CELA3B: variants seen among roughly 807,000 people sequenced by gnomAD.
CELA3B encodes the protein chymotrypsin like elastase 3B, also known as chymotrypsin-like elastase family member 3B.
A neutral mutation model predicts 37.2 loss-of-function variants in CELA3B; 34 were observed. The ratio of observed to expected loss-of-function variants is 0.91; its 90% CI spans 0.70 to 1.22. The LOEUF (loss-of-function observed/expected upper bound fraction) is 1.22. Among genes scored for constraint, CELA3B ranks in the 50% most tolerant of loss-of-function variants. CELA3B has a pLI of 0.00. For missense variants in CELA3B, 340 were observed against 363.1 expected (o/e 0.94, Z 0.52); for synonymous variants, 127 against 143.5 (o/e 0.89, Z 0.82).
At chr1:21,978,328 G>T (rs746182843) in intron 1 of CELA3B, 41 bp from the exon 2 acceptor site, 2 of 1,611,506 alleles carry the variant, frequency 1.2e-6, no homozygotes, top group Admixed American at 3.3e-5. Flanking sequence ...TTTGCTTTTG[G>T]GGACCCTCCC....
Position 21,978,359 on chromosome 1 carries a change from TC to T in CELA3B, c.44-6del, listed in dbSNP as rs1230642686. 1 of 1,613,894 alleles carries T rather than the reference TC, an allele frequency of 6.2e-7. No individual in the cohort carries two copies. The highest frequency in any genetic ancestry group is 8.5e-7 in the Non-Finnish European group (1 of 1,179,912). On this transcript the variant is annotated splice_polypyrimidine_tract_variant and intron_variant, in intron 1 of 7. Coordinates refer to ENST00000337107, the MANE Select transcript of CELA3B (RefSeq NM_007352.4). ...CTCCCGCTGATTGACAGCTCTCCTC[TC>T]CCCTCTAGCCTCAGGCTATGGCCCA...
intron 2 of CELA3B, among the ~76,000 whole-genome samples, chr1:21,979,562 C>A (rs1411405523): frequency 2.0e-5 from 3 of 150,578 alleles, no homozygotes; most frequent in African/African-American, 7.4e-5. Flanking sequence ...AAGCAATCAT[C>A]CCACATCAGC....
In CELA3B at chr1:21,983,260, C is replaced by T. The variant is rs567999490; in HGVS notation, c.363-434C>T. Among the ~76,000 whole-genome samples the T allele has an allele frequency of 1.1e-4, 16 of 152,208 alleles. No homozygotes were observed. The East Asian group carries it at 3.1e-3, about 29-fold the overall frequency. On this transcript the variant is annotated intron_variant, in intron 4 of 7. Coordinates refer to ENST00000337107, the MANE Select transcript of CELA3B (RefSeq NM_007352.4). ...ATCCCAGCTACTCAGGAGGCTGAGGCAGGAGAATCACTTGAACCCAGGAGG... is the reference window on the plus strand; with the variant it reads ...ATCCCAGCTACTCAGGAGGCTGAGGTAGGAGAATCACTTGAACCCAGGAGG...
At position 21,980,885 on chromosome 1, in the gene CELA3B, C is replaced by G. The variant is rs576599953; in HGVS notation, c.191C>G (p.Ala64Gly). Residue 64 changes from alanine (A) to glycine (G), a missense_variant, in exon 3 of 8, where the codon GCC becomes GGC. By Grantham distance (60) the Ala-to-Gly change is moderately conservative (BLOSUM62 0). Coordinates refer to ENST00000337107, the MANE Select transcript of CELA3B (RefSeq NM_007352.4). ...FYHTCGGSLI[A>G]PDWVVTAGHC... Reference sequence around the variant, plus strand: ...CACACCTGTGGCGGTAGCCTCATCGCCCCCGACTGGGTTGTGACTGCCGGC... The same window carrying G: ...CACACCTGTGGCGGTAGCCTCATCGGCCCCGACTGGGTTGTGACTGCCGGC... The G allele has an allele frequency of 9.9e-6, 16 of 1,612,688 alleles. No individual in the cohort carries two copies. The African/African-American group carries it at 2.0e-4, about 20-fold the overall frequency.
chr1:21,978,183 A>C, intron 1 of CELA3B, among the ~76,000 whole-genome samples, 186 bp from the exon 2 acceptor site: 1 of 147,222 alleles, frequency 6.8e-6, no homozygotes. Context: ...GAGTCTTGGG[A>C]TTCTGGAAAG....
chr1:21,983,878 C>G, intron 5 of CELA3B, 48 bp downstream of exon 5: 1 of 1,605,636 alleles, frequency 6.2e-7, no homozygotes, highest in Non-Finnish European at 8.5e-7. Context: ...GGCAGAAAGA[C>G]AGGGCCTGGG....
At chr1:21,995,000 C>CAAA (rs61509449) in intron 4 of CELA3B, among the ~76,000 whole-genome samples, 6 of 54,014 alleles carry the variant, frequency 1.1e-4, no homozygotes, top group Non-Finnish European at 1.0e-4. Flanking sequence ...AGACTTGTCT[C>CAAA]AAAAAAAAAA....
intron 7 of CELA3B, among the ~76,000 whole-genome samples, chr1:21,988,291 TAA>T (rs558130631): frequency 2.0e-5 from 2 of 97,968 alleles, no homozygotes; most frequent in Non-Finnish European, 5.7e-5. Flanking sequence ...TGACCCATGT[TAA>T]AAAAATATAT....
At chr1:21,977,604 C>G (rs922184246) in intron 1 of CELA3B, among the ~76,000 whole-genome samples, 1 of 152,210 alleles carries the variant, frequency 6.6e-6, no homozygotes, top group Non-Finnish European at 1.5e-5. Flanking sequence ...CTTATACTTT[C>G]TCATGTAATT....
chr1:21,984,945 T>A (rs1193916650), intron 6 of CELA3B, among the ~76,000 whole-genome samples: 1 of 148,886 alleles, frequency 6.7e-6, no homozygotes, highest in African/African-American at 2.5e-5. Context: ...AGACTCTGTC[T>A]AAAAAAAAAA....
intron 6 of CELA3B, among the ~76,000 whole-genome samples, chr1:21,985,781 C>T (rs146478214): frequency 0.013 from 1,988 of 152,076 alleles, 53 homozygotes; most frequent in African/African-American, 0.045. Flanking sequence ...GTCCCAGCTA[C>T]TCGGGAGGCT....
chr1:21,977,135 C>G (rs1644777148), intron 1 of CELA3B, 53 bp downstream of exon 1: 1 of 1,611,482 alleles, frequency 6.2e-7, no homozygotes, highest in Non-Finnish European at 8.5e-7. Flanking sequence ...ATTAGGAATC[C>G]TTGAAATCTA....
intron 6 of CELA3B, among the ~76,000 whole-genome samples, chr1:21,985,768 G>A (rs1644835194): frequency 6.6e-6 from 1 of 152,026 alleles, no homozygotes; most frequent in South Asian, 2.1e-4. Flanking sequence ...GTGGGCGCCT[G>A]TAGTCCCAGC....
At chr1:21,986,434 A>G (rs556243869) in intron 6 of CELA3B, 97 bp from the exon 7 acceptor site, 3 of 1,485,058 alleles carry the variant, frequency 2.0e-6, no homozygotes, top group East Asian at 2.3e-5. Flanking sequence ...CAGAGGAGTC[A>G]GGTAATGTCG....
At position 21,987,256 on chromosome 1, in the gene CELA3B, C is replaced by A. The variant is rs981246400; in HGVS notation, c.795+573C>A. Reference sequence around the variant, plus strand: ...GATCACAAGGTCAGGAGTTCAAGACCAGCCTGGCCAAGATGGTGAAACCCT... The same window carrying A: ...GATCACAAGGTCAGGAGTTCAAGACAAGCCTGGCCAAGATGGTGAAACCCT... On this transcript the variant is annotated intron_variant, in intron 7 of 7. Coordinates refer to ENST00000337107, the MANE Select transcript of CELA3B (RefSeq NM_007352.4). Among the ~76,000 whole-genome samples the A allele has an allele frequency of 3.3e-4, 50 of 151,480 alleles. 4 individuals carry two copies. The highest frequency in any genetic ancestry group is 1.2e-3 in the African/African-American group (50 of 41,092).
chr1:21,993,575 C>T (rs1337157314), downstream of CELA3B, among the ~76,000 whole-genome samples: 6 of 151,078 alleles, frequency 4.0e-5, no homozygotes, highest in African/African-American at 7.4e-5. Flanking sequence ...TACGCAGTCT[C>T]GCTCTGTTGT....
In CELA3B at chr1:21,978,459, G is replaced by A. The variant is rs201824090; in HGVS notation, c.129+5G>A. On this transcript the variant is annotated splice_donor_5th_base_variant and intron_variant, in intron 2 of 7. Transcript: ENST00000337107. ...CCCTACAGCTGGCCCTGGCAGGTAA[G>A]AGCAATAGCAGCTGCCCTCATTCCC... The A allele has an allele frequency of 8.1e-6, 13 of 1,613,914 alleles. No individual in the cohort carries two copies. Among genetic ancestry groups the A allele is most frequent in the Admixed American group, 1.7e-5 (1 of 60,004 alleles).
intron 1 of CELA3B, chr1:21,977,797 C>CA (rs1483374697): frequency 3.3e-6 from 1 of 307,474 alleles, no homozygotes; most frequent in African/African-American, 2.3e-5. Flanking sequence ...ATCTTGGCCT[C>CA]AAGCAATCCT....
At chr1:21,994,241 G>C (rs1196380959), downstream of CELA3B, among the ~76,000 whole-genome samples, 1 of 150,728 alleles carries the variant, frequency 6.6e-6, no homozygotes, top group Admixed American at 6.6e-5. Flanking sequence ...AGATTGAAAG[G>C]CTGGAGGGAG....
Sources: gnomAD v4.1 joint callset for allele counts (sites outside exome capture counted in the v4.1 genomes callset) on GRCh38, gnomAD v4.1.1 for gene constraint, MANE v1.5 for transcripts, NCBI Gene and HGNC (gene_info 2026-07-23, HGNC 2026-07-21) for gene names.